The following GLRA3 variants were observed in gnomAD, a reference collection of about 807,000 sequenced individuals.
The protein encoded by GLRA3 is glycine receptor alpha 3.
Under a neutral mutation model 60.4 loss-of-function variants are expected in GLRA3, and 44 were observed. The ratio of observed to expected loss-of-function variants is 0.73; its 90% confidence interval spans 0.57 to 0.94. GLRA3 has a LOEUF of 0.94. GLRA3 is among the 40% of genes least tolerant of loss of function. GLRA3 has a pLI of 0.00. For missense variants in GLRA3, 508 were observed against 564.6 expected (o/e 0.90, Z 1.02); for synonymous variants, 223 against 192.9 (o/e 1.16, Z -1.29).
chr4:174,810,951 C>A (rs1272181028), intron 1 of GLRA3, among the ~76,000 whole-genome samples: 1 of 152,110 alleles, frequency 6.6e-6, no homozygotes, highest in African/African-American at 2.4e-5. Flanking sequence ...TCCTAGCTTC[C>A]TTCTGGGAAG....
chr4:174,683,355 CTT>C (rs199710009), intron 5 of GLRA3, among the ~76,000 whole-genome samples: 2 of 146,596 alleles, frequency 1.4e-5, no homozygotes, highest in Admixed American at 6.8e-5. Flanking sequence ...TAGAAAATGA[CTT>C]TTTTTTTTTT....
At chr4:174,708,180 G>A (rs76788706) in intron 5 of GLRA3, among the ~76,000 whole-genome samples, 7,579 of 152,164 alleles carry the variant, frequency 0.05, 217 homozygotes, top group South Asian at 0.1. Context: ...AATTATGAAA[G>A]AGCTTGGATA....
chr4:174,712,832 G>A (rs1254216508), intron 5 of GLRA3: 2 of 151,706 alleles, frequency 1.3e-5, no homozygotes, highest in Non-Finnish European at 1.5e-5. Context: ...GATACAAATT[G>A]TTCTTAAAAC....
At chr4:174,786,901 T>A (rs1739149249) in intron 2 of GLRA3, among the ~76,000 whole-genome samples, 1 of 152,128 alleles carries the variant, frequency 6.6e-6, no homozygotes. Flanking sequence ...AAGAATGAAT[T>A]TTAGTCTCCC....
intron 9 of GLRA3, among the ~76,000 whole-genome samples, chr4:174,653,723 G>A (rs1027162882): frequency 6.6e-6 from 1 of 151,840 alleles, no homozygotes; most frequent in Non-Finnish European, 1.5e-5. Flanking sequence ...TTATAATTAC[G>A]GAGTGACATA....
At chr4:174,669,738 G>A (rs778351983) in intron 7 of GLRA3, among the ~76,000 whole-genome samples, 4 of 151,914 alleles carry the variant, frequency 2.6e-5, no homozygotes, top group Non-Finnish European at 5.9e-5. Flanking sequence ...ACCACACTTT[G>A]CTAATTAAAA....
chr4:174,653,017 C>T (rs887609010), intron 9 of GLRA3, among the ~76,000 whole-genome samples: 13 of 151,998 alleles, frequency 8.6e-5, no homozygotes, highest in Admixed American at 7.2e-4. Context: ...AAGTTTCTCC[C>T]TTAGTAGGTA....
chr4:174,752,922 A>G (rs943207905), intron 3 of GLRA3, among the ~76,000 whole-genome samples: 3 of 152,114 alleles, frequency 2.0e-5, no homozygotes, highest in African/African-American at 7.2e-5. Context: ...GATGCTGCAG[A>G]TTATAGTACT....
intron 6 of GLRA3, among the ~76,000 whole-genome samples, chr4:174,681,605 A>G (rs1423049485): frequency 6.6e-6 from 1 of 152,166 alleles, no homozygotes; most frequent in African/African-American, 2.4e-5. Flanking sequence ...AGGAAGAGAC[A>G]GGGAACAACT....
At chr4:174,811,714 C>A (rs1475585588) in intron 1 of GLRA3, among the ~76,000 whole-genome samples, 1 of 152,142 alleles carries the variant, frequency 6.6e-6, no homozygotes, top group Non-Finnish European at 1.5e-5. Context: ...ACAAATAACA[C>A]AACTATGTTG....
chr4:174,714,419 C>A (rs1177147913), intron 5 of GLRA3, among the ~76,000 whole-genome samples: 1 of 152,140 alleles, frequency 6.6e-6, no homozygotes, highest in South Asian at 2.1e-4. Flanking sequence ...CTCTCATTTA[C>A]GTTAGTACTT....
chr4:174,738,440 A>C (rs575954547), intron 3 of GLRA3, among the ~76,000 whole-genome samples: 1 of 152,342 alleles, frequency 6.6e-6, no homozygotes, highest in South Asian at 2.1e-4. Context: ...AGGGTATCAC[A>C]GGCAAAAGAT....
intron 3 of GLRA3, among the ~76,000 whole-genome samples, chr4:174,748,528 G>T (rs1488687914): frequency 6.6e-6 from 1 of 152,146 alleles, no homozygotes; most frequent in African/African-American, 2.4e-5. Flanking sequence ...ACATAAAGAA[G>T]AGTTGAAATA....
At chr4:174,755,887 T>C (rs1737673881) in intron 3 of GLRA3, among the ~76,000 whole-genome samples, 1 of 152,004 alleles carries the variant, frequency 6.6e-6, no homozygotes, top group African/African-American at 2.4e-5. Context: ...AATACACCCA[T>C]ATATAAACTA....
intron 5 of GLRA3, among the ~76,000 whole-genome samples, chr4:174,696,001 T>C (rs938635017): frequency 1.3e-5 from 2 of 151,468 alleles, no homozygotes; most frequent in African/African-American, 4.8e-5. Context: ...TGGCACAAAA[T>C]AATAAAATAA....
chr4:174,788,701 T>A, intron 2 of GLRA3, 115 bp downstream of exon 2: 1 of 565,280 alleles, frequency 1.8e-6, no homozygotes, highest in Non-Finnish European at 2.8e-6. Flanking sequence ...ACTAATGCAA[T>A]ATTTGGAAGA....
At chr4:174,698,798 G>C (rs945843277) in intron 5 of GLRA3, among the ~76,000 whole-genome samples, 1 of 151,972 alleles carries the variant, frequency 6.6e-6, no homozygotes, top group Non-Finnish European at 1.5e-5. Flanking sequence ...TATATTTATT[G>C]AAGTACTTGA....
chr4:174,705,015 A>T (rs1270891833), intron 5 of GLRA3, among the ~76,000 whole-genome samples: 2 of 144,120 alleles, frequency 1.4e-5, no homozygotes, highest in Non-Finnish European at 3.1e-5. Context: ...TTGCTTGTAC[A>T]ACATTGTGAA....
At chr4:174,739,575 T>C (rs1348781008) in intron 3 of GLRA3, among the ~76,000 whole-genome samples, 5 of 152,160 alleles carry the variant, frequency 3.3e-5, no homozygotes. Flanking sequence ...TCAAAGAATC[T>C]TGATTCCCAA....
Sources: allele counts gnomAD v4.1 joint callset (sites outside exome capture counted in the v4.1 genomes callset), GRCh38; gene constraint gnomAD v4.1.1; transcripts MANE v1.5; gene names NCBI Gene and HGNC (gene_info 2026-07-23, HGNC 2026-07-21).